Variants in ADAMTSL3 observed in about 807,000 individuals in gnomAD.
ADAMTSL3 encodes the protein ADAMTS like 3.
In ADAMTSL3, 128 loss-of-function variants were observed where a neutral mutation model predicts 201.7. The ratio of observed to expected loss-of-function variants is 0.63; its 90% CI spans 0.55 to 0.73. The LOEUF (loss-of-function observed/expected upper bound fraction) is 0.73. ADAMTSL3 is among the 30% of genes least tolerant of loss of function. The pLI is 0.00. For synonymous variants in ADAMTSL3, 738 were observed against 748.4 expected, an observed-to-expected ratio of 0.99 and a Z score of 0.23; for missense variants, 1,990 against 2,119.6, an observed-to-expected ratio of 0.94 and a Z score of 1.20.
At chr15:84,020,241 T>C (rs1187466635) in intron 25 of ADAMTSL3, among the ~76,000 whole-genome samples, 1 of 135,732 alleles carries the variant, frequency 7.4e-6, no homozygotes, top group African/African-American at 2.7e-5. Context: ...AAATGTGGCA[T>C]AATAGAGTCA....
chr15:83,794,560 A>G (rs1208873528), intron 4 of ADAMTSL3, among the ~76,000 whole-genome samples: 1 of 152,184 alleles, frequency 6.6e-6, no homozygotes, highest in East Asian at 1.9e-4. Flanking sequence ...TCCAATCTCT[A>G]AAGCTTACAT....
Position 83,910,536 on chromosome 15 carries a change from C to T in ADAMTSL3, c.1701-2556C>T, listed in dbSNP as rs140315695. Among the ~76,000 whole-genome samples the T allele has an allele frequency of 5.9e-3, 879 of 147,776 alleles. 14 individuals carry two copies. The highest frequency in any genetic ancestry group is 0.021 in the African/African-American group (847 of 40,248). On this transcript the variant is annotated intron_variant, in intron 15 of 29. Coordinates refer to ENST00000286744, the MANE Select transcript of ADAMTSL3 (RefSeq NM_207517.3). ...AACTAACATTTACTTTTTAACAGGACTTTTAAAAAGATCGTTGAAAACCAA... is the reference window on the plus strand; with the variant it reads ...AACTAACATTTACTTTTTAACAGGATTTTTAAAAAGATCGTTGAAAACCAA...
chr15:83,941,586 T>C (rs1224197273), intron 17 of ADAMTSL3, among the ~76,000 whole-genome samples: 1 of 152,202 alleles, frequency 6.6e-6, no homozygotes, highest in African/African-American at 2.4e-5. Context: ...TGACTGTATT[T>C]CTATGTTAAT....
At chr15:84,017,211 A>G (rs2068102014) in intron 25 of ADAMTSL3, among the ~76,000 whole-genome samples, 1 of 152,116 alleles carries the variant, frequency 6.6e-6, no homozygotes, top group South Asian at 2.1e-4. Context: ...TCCGCCTCCC[A>G]GGTTCATGCC....
intron 2 of ADAMTSL3, among the ~76,000 whole-genome samples, chr15:83,661,185 C>G (rs1595983909): frequency 3.9e-5 from 6 of 152,054 alleles, no homozygotes; most frequent in Admixed American, 3.9e-4. Flanking sequence ...GTTACTGTAG[C>G]CTTGTAGTAT....
chr15:83,786,793 G>A (rs2141812499), intron 4 of ADAMTSL3, among the ~76,000 whole-genome samples: 1 of 152,036 alleles, frequency 6.6e-6, no homozygotes, highest in Non-Finnish European at 1.5e-5. Context: ...TTAAACTTTG[G>A]TCTTCCTGTG....
chr15:84,012,296 T>C (rs975013594), intron 23 of ADAMTSL3, among the ~76,000 whole-genome samples: 1 of 152,202 alleles, frequency 6.6e-6, no homozygotes, highest in Non-Finnish European at 1.5e-5. Context: ...TTTTGGAGGC[T>C]CTGGGAATAA....
chr15:83,842,092 T>G (rs540279974), intron 7 of ADAMTSL3, among the ~76,000 whole-genome samples: 3 of 150,704 alleles, frequency 2.0e-5, no homozygotes, highest in East Asian at 4.2e-4. Context: ...GAGAGCTACC[T>G]CTACCATTCA....
At chr15:83,670,511 G>A (rs1434035904) in intron 2 of ADAMTSL3, among the ~76,000 whole-genome samples, 1 of 151,466 alleles carries the variant, frequency 6.6e-6, no homozygotes, top group Non-Finnish European at 1.5e-5. Context: ...ACACACATAT[G>A]CACACGTATG....
rs2068573539 is a variant in ADAMTSL3, at chr15:84,039,754, TATAAC to T, written c.*1951_*1955del. On this transcript the variant is annotated 3_prime_UTR_variant, in exon 30 of 30. Coordinates refer to ENST00000286744, the MANE Select transcript of ADAMTSL3 (RefSeq NM_207517.3). ...GTGTACTGTATTTTACTACTGTTTT[TATAAC>T]ATGAGAGTTAATGTTTCTGTTTCAT... The T allele has an allele frequency of 6.5e-6, 1 of 152,678 alleles. No individual in the cohort carries two copies. The highest frequency in any genetic ancestry group is 2.4e-5 in the African/African-American group (1 of 41,468). The allele number at this position is 152,678 out of a possible 1,614,324, so 9.5% of individuals were successfully genotyped here.
chr15:83,914,461 C>T (rs2065992660), intron 16 of ADAMTSL3, among the ~76,000 whole-genome samples: 1 of 152,182 alleles, frequency 6.6e-6, no homozygotes, highest in Admixed American at 6.5e-5. Flanking sequence ...ACCTGCGTAT[C>T]CTTGCCACTT....
chr15:84,017,394 G>T (rs945100146), intron 25 of ADAMTSL3, among the ~76,000 whole-genome samples: 1 of 152,204 alleles, frequency 6.6e-6, no homozygotes, highest in Non-Finnish European at 1.5e-5. Flanking sequence ...TGAGATTACA[G>T]GCGTGAGCCA....
chr15:83,854,083 AC>A (rs1567191189), intron 7 of ADAMTSL3, among the ~76,000 whole-genome samples: 1 of 152,116 alleles, frequency 6.6e-6, no homozygotes, highest in Non-Finnish European at 1.5e-5. Context: ...ACATCATCTC[AC>A]TAGTACACCT....
chr15:83,798,806 C>CAAAA (rs11340224), intron 4 of ADAMTSL3, among the ~76,000 whole-genome samples: 3 of 76,344 alleles, frequency 3.9e-5, no homozygotes, highest in Non-Finnish European at 5.2e-5. Context: ...GACTCCGTCT[C>CAAAA]AAAAAAAAAA....
At chr15:84,031,581 A>G (rs1389612897) in intron 28 of ADAMTSL3, 149 bp downstream of exon 28, 2 of 666,164 alleles carry the variant, frequency 3.0e-6, no homozygotes, top group Admixed American at 2.5e-5. Context: ...GTCATCTTCA[A>G]TAGTATATAT....
chr15:83,805,048 G>A (rs903067528), intron 5 of ADAMTSL3, among the ~76,000 whole-genome samples: 3 of 152,106 alleles, frequency 2.0e-5, no homozygotes, highest in Admixed American at 6.5e-5. Flanking sequence ...TCTCTTTTGC[G>A]AGTGAGAGGA....
chr15:83,724,247 C>T (rs976476601), intron 3 of ADAMTSL3, among the ~76,000 whole-genome samples: 1 of 151,784 alleles, frequency 6.6e-6, no homozygotes, highest in African/African-American at 2.4e-5. Context: ...TACAGGCACA[C>T]ACCACCACAC....
intron 2 of ADAMTSL3, among the ~76,000 whole-genome samples, chr15:83,676,947 G>GT (rs1567065693): frequency 6.6e-6 from 1 of 152,214 alleles, no homozygotes; most frequent in Non-Finnish European, 1.5e-5. Flanking sequence ...ATACATTTCT[G>GT]TTTTTTATAA....
At chr15:83,824,622 A>G (rs1366699380) in intron 6 of ADAMTSL3, among the ~76,000 whole-genome samples, 6 of 152,124 alleles carry the variant, frequency 3.9e-5, no homozygotes, top group Admixed American at 3.3e-4. Context: ...AAAATCCTCT[A>G]TGCTTTGCTC....
Sources: allele counts gnomAD v4.1 joint callset (sites outside exome capture counted in the v4.1 genomes callset), GRCh38; gene constraint gnomAD v4.1.1; transcripts MANE v1.5; gene names NCBI Gene and HGNC (gene_info 2026-07-23, HGNC 2026-07-21).